XPO6: variants seen among roughly 807,000 people sequenced by gnomAD.
The protein encoded by XPO6 is exportin 6, also known as exportin-6.
In XPO6, 3 loss-of-function variants were observed where a neutral mutation model predicts 130.0. The observed-to-expected ratio is 0.02, with a 90% CI of 0.01 to 0.06. The LOEUF (loss-of-function observed/expected upper bound fraction) is 0.06, where lower values mean the gene tolerates loss of function less well. XPO6 is among the 10% of genes least tolerant of loss of function. The pLI is 1.00. For synonymous variants in XPO6, 524 were observed against 548.9 expected (o/e 0.95, Z 0.63); for missense variants, 970 against 1,393.0 (o/e 0.70, Z 4.83).
At chr16:28,116,175 G>A (rs1392750878) in intron 15 of XPO6, among the ~76,000 whole-genome samples, 2 of 152,284 alleles carry the variant, frequency 1.3e-5, no homozygotes, top group Non-Finnish European at 1.5e-5. Flanking sequence ...AAGAGCCTTT[G>A]GCCAGGCCGG....
At chr16:28,125,606 T>C in intron 13 of XPO6, 83 bp downstream of exon 13, 2 of 1,510,402 alleles carry the variant, frequency 1.3e-6, no homozygotes, top group East Asian at 2.3e-5. Flanking sequence ...CAGAAGCTAT[T>C]TGGCAATATG....
chr16:28,122,620 G>GTTTGT lies in XPO6; in HGVS notation c.1767-863_1767-859dup, dbSNP rs535249455. On this transcript the variant is annotated intron_variant, in intron 13 of 23. Transcript: ENST00000304658. ...ACAGAACAAGACCAAAATCCTGTTT[G>GTTTGT]TTTGTTTTGTTTTGTTTTGTTTTAA... Among the ~76,000 whole-genome samples, 189 of 151,818 alleles carry GTTTGT rather than the reference G, an allele frequency of 1.2e-3. 1 individual carries two copies. The highest frequency in any genetic ancestry group is 5.4e-3 in the South Asian group (26 of 4,810).
At chr16:28,196,623 C>A (rs2043868444) in intron 1 of XPO6, among the ~76,000 whole-genome samples, 1 of 152,136 alleles carries the variant, frequency 6.6e-6, no homozygotes, top group South Asian at 2.1e-4. Context: ...AATTTGATCC[C>A]CAATGTTGGA....
intron 1 of XPO6, among the ~76,000 whole-genome samples, chr16:28,207,018 G>A (rs1002540886): frequency 2.6e-5 from 4 of 152,130 alleles, no homozygotes; most frequent in Non-Finnish European, 5.9e-5. Flanking sequence ...AGGCCAAGGT[G>A]GGCAGATCAT....
At chr16:28,122,392 T>C (rs1352406685) in intron 13 of XPO6, among the ~76,000 whole-genome samples, 3 of 152,054 alleles carry the variant, frequency 2.0e-5, no homozygotes, top group African/African-American at 7.3e-5. Flanking sequence ...GAGGCCAAGG[T>C]GGGAGGATCA....
chr16:28,149,949 A>G (rs548238606), intron 8 of XPO6, among the ~76,000 whole-genome samples: 2 of 152,330 alleles, frequency 1.3e-5, no homozygotes, highest in African/African-American at 4.8e-5. Flanking sequence ...GAGAACTTAA[A>G]GCTGTCTCTT....
intron 23 of XPO6, among the ~76,000 whole-genome samples, chr16:28,100,155 T>G (rs1029285747): frequency 6.6e-6 from 1 of 151,978 alleles, no homozygotes; most frequent in Non-Finnish European, 1.5e-5. Context: ...ACCTGACTAA[T>G]TTTTTTTATT....
chr16:28,110,196 C>T (rs2086884569), intron 17 of XPO6, among the ~76,000 whole-genome samples: 1 of 152,172 alleles, frequency 6.6e-6, no homozygotes, highest in Non-Finnish European at 1.5e-5. Flanking sequence ...AAGTGCTCAA[C>T]CCAGTGCCTG....
chr16:28,110,924 C>G (rs908309726), intron 17 of XPO6, among the ~76,000 whole-genome samples: 5 of 152,198 alleles, frequency 3.3e-5, no homozygotes, highest in African/African-American at 1.2e-4. Context: ...GTCAGCTACT[C>G]TCATCCAGCT....
chr16:28,198,256 G>T, intron 1 of XPO6, among the ~76,000 whole-genome samples: 1 of 151,518 alleles, frequency 6.6e-6, no homozygotes, highest in Non-Finnish European at 1.5e-5. Flanking sequence ...CAACCATATT[G>T]AAAAAGTAAA....
At chr16:28,203,088 C>T (rs563952336) in intron 1 of XPO6, among the ~76,000 whole-genome samples, 3 of 152,220 alleles carry the variant, frequency 2.0e-5, no homozygotes, top group East Asian at 3.9e-4. Flanking sequence ...CCAGCAGGGG[C>T]AACATGGTGA....
At chr16:28,157,243 G>A (rs2141827938) in intron 6 of XPO6, among the ~76,000 whole-genome samples, 1 of 152,182 alleles carries the variant, frequency 6.6e-6, no homozygotes, top group East Asian at 1.9e-4. Flanking sequence ...GATTACCTGA[G>A]GTCAGTAGTT....
intron 17 of XPO6, 104 bp downstream of exon 17, chr16:28,111,712 CA>C (rs917583922): frequency 6.4e-5 from 86 of 1,351,762 alleles, no homozygotes; most frequent in South Asian, 1.2e-4. Flanking sequence ...GGACTATGAA[CA>C]AAAAAAATTT....
intron 15 of XPO6, among the ~76,000 whole-genome samples, chr16:28,115,511 A>G (rs1442160845): frequency 1.3e-5 from 2 of 152,194 alleles, no homozygotes; most frequent in African/African-American, 4.8e-5. Context: ...TATTCAGTAA[A>G]CCATGATGTA....
chr16:28,154,333 T>A, intron 7 of XPO6: 1 of 953,496 alleles, frequency 1.0e-6, no homozygotes, highest in African/African-American at 1.8e-5. Context: ...CTAACCCAAT[T>A]TTTTAAAAAT....
At chr16:28,170,332 CAAAAA>C (rs10638478) in intron 4 of XPO6, among the ~76,000 whole-genome samples, 2 of 81,342 alleles carry the variant, frequency 2.5e-5, no homozygotes, top group Non-Finnish European at 2.9e-5. Context: ...AACTCTGTCT[CAAAAA>C]AAAAAAAAAA....
Position 28,180,928 on chromosome 16 carries a change from A to G in XPO6, c.94+13T>C. ...ATTATAAATTCCTCTTTACAAGTCA[A>G]TGCTCCACTTACCTATCTCACGTTT... On this transcript the variant is annotated intron_variant, in intron 2 of 23. Transcript: ENST00000304658. 3 of 1,607,934 alleles carry G rather than the reference A, an allele frequency of 1.9e-6. No individual in the cohort carries two copies. Among genetic ancestry groups the G allele is most frequent in the Non-Finnish European group, 2.5e-6 (3 of 1,176,910 alleles).
chr16:28,105,694 G>C (rs372249664), intron 20 of XPO6: 1 of 195,502 alleles, frequency 5.1e-6, no homozygotes, highest in East Asian at 1.2e-4. Flanking sequence ...AACTTGCCTT[G>C]TATCCTCGAG....
rs926661171 is a variant in XPO6, at chr16:28,174,100, G to A, written c.405+1798C>T. Among the ~76,000 whole-genome samples the A allele has an allele frequency of 3.9e-5, 6 of 152,028 alleles. 1 individual carries two copies. Among genetic ancestry groups the A allele is most frequent in the African/African-American group, 1.2e-4 (5 of 41,378 alleles). ...AGCCTTGGAGAGGGTTACCATAACC[G>A]TCCTCAACTTGGATTGAAGGCAAGT... On this transcript the variant is annotated intron_variant, in intron 4 of 23. Transcript: ENST00000304658.
Sources: gnomAD v4.1 joint callset for allele counts (sites outside exome capture counted in the v4.1 genomes callset) on GRCh38, gnomAD v4.1.1 for gene constraint, MANE v1.5 for transcripts, NCBI Gene and HGNC (gene_info 2026-07-23, HGNC 2026-07-21) for gene names.